The following SNHG17 variants were observed in gnomAD, a reference collection of about 807,000 sequenced individuals.
SNHG17 encodes small nucleolar RNA host gene 17.
At chr20:38,426,981 C>T (rs536129459) in intron 3 of SNHG17, among the ~76,000 whole-genome samples, 1 of 143,892 alleles carries the variant, frequency 6.9e-6, no homozygotes, top group Non-Finnish European at 1.5e-5. Context: ...CCTATCCTGT[C>T]CCCAAGTTAC....
chr20:38,422,190 C>T (rs2084165657), exon 6 of SNHG17: 1 of 152,338 alleles, frequency 6.6e-6, no homozygotes, highest in Non-Finnish European at 1.5e-5. Flanking sequence ...CGGGATACCA[C>T]TTTCACCTTG....
At chr20:38,425,001 A>G (rs2084222402) in intron 5 of SNHG17, 2 of 313,270 alleles carry the variant, frequency 6.4e-6, no homozygotes, top group Admixed American at 7.9e-5. Flanking sequence ...TTACAAGTGG[A>G]TGAGGTGCCC....
intron 5 of SNHG17, among the ~76,000 whole-genome samples, chr20:38,422,819 G>A (rs1009593200): frequency 6.6e-6 from 1 of 152,102 alleles, no homozygotes; most frequent in African/African-American, 2.4e-5. Flanking sequence ...GGCCAGGCGC[G>A]GTGGCTCACA....
chr20:38,422,941 A>C (rs1265335290), intron 5 of SNHG17, among the ~76,000 whole-genome samples: 1 of 151,996 alleles, frequency 6.6e-6, no homozygotes, highest in Non-Finnish European at 1.5e-5. Context: ...AAATACAAAA[A>C]ATTATCCAGG....
At chr20:38,435,157 G>A in intron 1 of SNHG17, 1 of 1,232,350 alleles carries the variant, frequency 8.1e-7, no homozygotes, top group Non-Finnish European at 1.0e-6. Context: ...TCCCCCGATG[G>A]TGAGAGTGGA....
At chr20:38,429,545 C>T (rs1361840909) in intron 3 of SNHG17, 6 of 318,256 alleles carry the variant, frequency 1.9e-5, no homozygotes, top group Non-Finnish European at 2.4e-5. Flanking sequence ...GAGGCCAAAC[C>T]CATCACCCCA....
intron 5 of SNHG17, among the ~76,000 whole-genome samples, chr20:38,424,466 G>A (rs1056941279): frequency 1.3e-5 from 2 of 152,148 alleles, no homozygotes; most frequent in Non-Finnish European, 1.5e-5. Context: ...GACTGAAGGT[G>A]GACTGTAACA....
At chr20:38,428,293 C>T (rs2084283046) in intron 3 of SNHG17, 1 of 152,220 alleles carries the variant, frequency 6.6e-6, no homozygotes, top group Admixed American at 6.5e-5. Context: ...AGCTCCAATC[C>T]AGCTTTCCCA....
intron 2 of SNHG17, chr20:38,434,069 G>A (rs891025115): frequency 1.2e-5 from 6 of 495,754 alleles, no homozygotes; most frequent in Non-Finnish European, 2.4e-5. Flanking sequence ...TCACCCCCCA[G>A]GGAAGAGAAG....
intron 5 of SNHG17, among the ~76,000 whole-genome samples, chr20:38,424,567 T>C (rs2084213535): frequency 6.6e-6 from 1 of 152,200 alleles, no homozygotes; most frequent in African/African-American, 2.4e-5. Flanking sequence ...CATTTACTGT[T>C]TGTCCAGGTG....
intron 2 of SNHG17, among the ~76,000 whole-genome samples, chr20:38,431,750 C>G (rs985826905): frequency 1.3e-5 from 2 of 152,132 alleles, no homozygotes; most frequent in Non-Finnish European, 1.5e-5. Context: ...GATGCCAAAG[C>G]CCTCCAGCTT....
At chr20:38,433,397 A>G (rs1326219294) in intron 2 of SNHG17, among the ~76,000 whole-genome samples, 1 of 152,176 alleles carries the variant, frequency 6.6e-6, no homozygotes, top group African/African-American at 2.4e-5. Flanking sequence ...CTGTAATTCC[A>G]GCACTTTGGA....
intron 5 of SNHG17, among the ~76,000 whole-genome samples, chr20:38,423,199 C>A (rs1179114461): frequency 2.6e-5 from 4 of 151,630 alleles, no homozygotes; most frequent in Non-Finnish European, 1.5e-5. Flanking sequence ...GAGTTGGAGA[C>A]CAGCCTGGGC....
At chr20:38,431,413 C>G (rs548559140) in intron 2 of SNHG17, among the ~76,000 whole-genome samples, 134 of 152,310 alleles carry the variant, frequency 8.8e-4, no homozygotes, top group African/African-American at 3.0e-3. Flanking sequence ...AGAAAGAGAT[C>G]CAGGGCTTGT....
At chr20:38,435,297 T>A in exon 1 of SNHG17, 1 of 1,231,614 alleles carries the variant, frequency 8.1e-7, no homozygotes, top group Middle Eastern at 3.1e-4. Context: ...TGGCGTGCGA[T>A]GGCGAAGGAC....
chr20:38,425,287 A>G (rs376314480), intron 5 of SNHG17: 13 of 519,060 alleles, frequency 2.5e-5, no homozygotes, highest in African/African-American at 2.3e-4. Context: ...CTGCACTATC[A>G]ATGACCAGGG....
intron 2 of SNHG17, among the ~76,000 whole-genome samples, chr20:38,432,687 T>C (rs1483478915): frequency 1.3e-5 from 2 of 152,186 alleles, no homozygotes; most frequent in Non-Finnish European, 2.9e-5. Flanking sequence ...CCCTGTCACC[T>C]TACAACTGAA....
intron 3 of SNHG17, chr20:38,427,335 G>A (rs372195567): frequency 3.9e-6 from 2 of 516,812 alleles, no homozygotes; most frequent in African/African-American, 1.9e-5. Flanking sequence ...GGTTCGGATG[G>A]GATAGGGTGG....
rs145818718 is a variant in SNHG17 at position 38,424,201 on chromosome 20, A to T, written n.579+1734T>A. Among the ~76,000 whole-genome samples the T allele has an allele frequency of 4.1e-3, 619 of 152,200 alleles. 4 individuals are homozygous for T. The highest frequency in any genetic ancestry group is 0.014 in the African/African-American group (591 of 41,528). Reference sequence around the variant, plus strand: ...AAAAAAATTAAAAAAAAAAGAAAAAAAGGATGCCAAGGCAAGAAGGCTTTT... The same window carrying T: ...AAAAAAATTAAAAAAAAAAGAAAAATAGGATGCCAAGGCAAGAAGGCTTTT... On this transcript the variant is annotated intron_variant and non_coding_transcript_variant, in intron 5 of 8. Transcript: ENST00000654008.
Sources: allele counts gnomAD v4.1 joint callset (sites outside exome capture counted in the v4.1 genomes callset), GRCh38; gene constraint gnomAD v4.1.1; transcripts MANE v1.5; gene names NCBI Gene and HGNC (gene_info 2026-07-23, HGNC 2026-07-21).